The following DCP1B variants were observed in gnomAD, a reference collection of about 807,000 sequenced individuals.
DCP1B encodes mRNA-decapping enzyme 1B.
DCP1B carries 47 observed loss-of-function variants against 60.5 expected under a neutral mutation model. The observed-to-expected ratio is 0.78, with a 90% confidence interval of 0.61 to 0.99. DCP1B has a LOEUF of 0.99. Ranked by LOEUF, DCP1B falls within the 50% of genes least tolerant of loss-of-function variation. The pLI is 0.00. For missense variants in DCP1B, 725 were observed against 756.8 expected (o/e 0.96, Z 0.49); for synonymous variants, 267 against 280.3 (o/e 0.95, Z 0.47).
In DCP1B at chr12:1,946,121, T is replaced by A; in HGVS notation, c.*85A>T. The A allele has an allele frequency of 9.3e-7, 1 of 1,075,026 alleles. No individual in the cohort carries two copies. The highest frequency in any genetic ancestry group is 1.3e-6 in the Non-Finnish European group (1 of 764,720). The allele number at this position is 1,075,026 out of a possible 1,614,324, so 66.6% of individuals were successfully genotyped here. ...TTTTTTTTTAAAAAAGGCAGAAACATTGAAGGAAACAACACTCAACATGAA... is the reference window on the plus strand; with the variant it reads ...TTTTTTTTTAAAAAAGGCAGAAACAATGAAGGAAACAACACTCAACATGAA... On this transcript the variant is annotated 3_prime_UTR_variant, in exon 9 of 9. Coordinates refer to ENST00000280665, the MANE Select transcript of DCP1B (RefSeq NM_152640.5).
chr12:1,993,435 C>T (rs760175949), intron 2 of DCP1B, 44 bp from the exon 3 acceptor site: 2 of 1,592,180 alleles, frequency 1.3e-6, no homozygotes, highest in Admixed American at 3.5e-5. Flanking sequence ...AGACAAATTG[C>T]TTAGTATGCT....
chr12:1,948,671 C>T lies in DCP1B; in HGVS notation c.1773+415G>A, dbSNP rs1212531701. Among the ~76,000 whole-genome samples, 7 of 152,168 alleles carry T rather than the reference C, an allele frequency of 4.6e-5. No individual in the cohort carries two copies. Among genetic ancestry groups the T allele is most frequent in the Admixed American group, 6.5e-5 (1 of 15,282 alleles). On this transcript the variant is annotated intron_variant, in intron 8 of 8. Transcript: ENST00000280665. This position sits in a 1 kb window ranked among gnomAD's most constrained non-coding sequence, Gnocchi z 4.8. Reference sequence around the variant, plus strand: ...TTTGCTTCCCTCCCTGTTTTCCACTCGCTCAGTGGCCTCTTCCCCACTCAA... The same window carrying T: ...TTTGCTTCCCTCCCTGTTTTCCACTTGCTCAGTGGCCTCTTCCCCACTCAA...
At chr12:1,970,824 A>G (rs2031999959) in intron 3 of DCP1B, 2 of 278,940 alleles carry the variant, frequency 7.2e-6, no homozygotes, top group East Asian at 9.9e-5. Flanking sequence ...CGAAAATACA[A>G]GGTTGAAAAG....
At position 1,950,125 on chromosome 12, in the gene DCP1B, A is replaced by AT. The variant is rs138092404; in HGVS notation, c.1525-792_1525-791insA. The AT allele has an allele frequency of 3.1e-3, 1,704 of 548,564 alleles. 23 individuals are homozygous for AT. Among genetic ancestry groups the AT allele is most frequent in the African/African-American group, 0.028 (1,520 of 53,516 alleles). The allele number at this position is 548,564 out of a possible 1,614,324, so 34.0% of individuals were successfully genotyped here. On this transcript the variant is annotated intron_variant, in intron 7 of 8. Coordinates refer to ENST00000280665, the MANE Select transcript of DCP1B (RefSeq NM_152640.5). The stretch of plus-strand genomic sequence containing the variant: ...TATCAGCCTCCGAACTCCCCGAAAG[A>AT]ACTCCTAAGAGGGAGGCAAGGAGGC...
At chr12:1,970,297 A>G (rs866079593) in intron 3 of DCP1B, among the ~76,000 whole-genome samples, 2 of 152,304 alleles carry the variant, frequency 1.3e-5, no homozygotes, top group Middle Eastern at 3.4e-3. Flanking sequence ...CTTCTTTAGG[A>G]CCCAACCATT....
intron 3 of DCP1B, among the ~76,000 whole-genome samples, chr12:1,969,131 C>A (rs2031614345): frequency 6.6e-6 from 1 of 152,170 alleles, no homozygotes; most frequent in Non-Finnish European, 1.5e-5. Flanking sequence ...ACTTTAAATT[C>A]AAACTTTCTA....
chr12:1,995,568 C>T (rs2040598323), intron 2 of DCP1B, among the ~76,000 whole-genome samples: 2 of 152,366 alleles, frequency 1.3e-5, no homozygotes, highest in Non-Finnish European at 2.9e-5. Flanking sequence ...GGCCTTGCCT[C>T]CCATTCCTTC....
chr12:2,004,005 C>G (rs1453300008), intron 1 of DCP1B, among the ~76,000 whole-genome samples: 1 of 152,148 alleles, frequency 6.6e-6, no homozygotes, highest in African/African-American at 2.4e-5. Context: ...TTTCCTTCGG[C>G]TCTTATGGTG....
intron 1 of DCP1B, 124 bp from the exon 2 acceptor site, chr12:1,998,099 G>T: frequency 1.4e-6 from 1 of 725,544 alleles, no homozygotes; most frequent in Non-Finnish European, 2.2e-6. Context: ...CCCAACATGA[G>T]GAGTTATTCT....
chr12:1,984,703 C>A (rs1248006461), intron 3 of DCP1B, among the ~76,000 whole-genome samples: 52 of 148,428 alleles, frequency 3.5e-4, no homozygotes, highest in Non-Finnish European at 4.5e-5. Flanking sequence ...CCTGCAATTC[C>A]AGCTTTCCCT....
At chr12:2,003,817 C>A (rs2042731998) in intron 1 of DCP1B, among the ~76,000 whole-genome samples, 1 of 152,176 alleles carries the variant, frequency 6.6e-6, no homozygotes, top group Non-Finnish European at 1.5e-5. Context: ...TTCTCCCCTT[C>A]TATCAAGTTT....
At chr12:1,958,548 T>C (rs1230833607) in intron 5 of DCP1B, among the ~76,000 whole-genome samples, 2 of 147,850 alleles carry the variant, frequency 1.4e-5, no homozygotes, top group East Asian at 2.1e-4. Context: ...GCTTTTTCTA[T>C]AAACCTCCTG....
intron 3 of DCP1B, chr12:1,991,483 C>A: frequency 4.3e-6 from 1 of 233,288 alleles, no homozygotes; most frequent in Non-Finnish European, 8.7e-6. Context: ...TTTATTTTGC[C>A]CAATTTATCC....
rs2030516087 is a variant in DCP1B at position 1,948,283 on chromosome 12, C to T, written c.1773+803G>A. ...CCAACATTCATGTGGTGAACGTGGC[C>T]CACGGGAGAGTACGTGGGAAGTGGC... On this transcript the variant is annotated intron_variant, in intron 8 of 8. Transcript: ENST00000280665. The surrounding 1 kb of genome is among the most constrained non-coding windows in gnomAD (Gnocchi z 4.8). 6.6e-6 allele frequency among the ~76,000 whole-genome samples: 1 copy of T among 152,170 alleles called. No homozygotes were observed. The highest frequency in any genetic ancestry group is 1.5e-5 in the Non-Finnish European group (1 of 68,038).
intron 5 of DCP1B, among the ~76,000 whole-genome samples, chr12:1,959,588 GT>G (rs1453155900): frequency 1.3e-5 from 2 of 152,206 alleles, no homozygotes; most frequent in African/African-American, 4.8e-5. Context: ...CAAAACATAA[GT>G]GGTGGCAAGG....
chr12:2,002,043 C>G (rs1194542585), intron 1 of DCP1B, among the ~76,000 whole-genome samples: 1 of 152,200 alleles, frequency 6.6e-6, no homozygotes, highest in Non-Finnish European at 1.5e-5. Context: ...GGGAGTAGGT[C>G]TAACTCTAAA....
rs1187593333 is a variant in DCP1B at position 1,952,942 on chromosome 12, T to C, written c.998A>G (p.Gln333Arg). 2.5e-6 allele frequency: 4 copies of C among 1,614,050 alleles called. No individual in the cohort carries two copies. In the Admixed American group the frequency reaches 6.7e-5, roughly 27 times the overall value. Residue 333 changes from glutamine (Q) to arginine (R), a missense_variant, in exon 7 of 9, where the codon CAG becomes CGG. Transcript: ENST00000280665. The part of the protein sequence containing the change: ...SAGEFFTGPV[Q>R]PGSPHNIGTS... ...TCCAATGTTGTGAGGAGACCCTGGC[T>C]GGACAGGTCCTGTAAAAAATTCTCC...
intron 5 of DCP1B, among the ~76,000 whole-genome samples, chr12:1,957,454 C>A (rs1413694520): frequency 1.3e-5 from 2 of 152,094 alleles, no homozygotes; most frequent in African/African-American, 2.4e-5. Flanking sequence ...GGTGATTTTT[C>A]TTTTTATATT....
intron 1 of DCP1B, among the ~76,000 whole-genome samples, chr12:2,001,073 C>T (rs2042098558): frequency 6.6e-6 from 1 of 151,830 alleles, no homozygotes; most frequent in Admixed American, 6.6e-5. Context: ...TCAGCTTACA[C>T]TACTCAGATC....
Sources: gnomAD v4.1 joint callset for allele counts (sites outside exome capture counted in the v4.1 genomes callset) on GRCh38, gnomAD v4.1.1 for gene constraint, Gnocchi (gnomAD v3.1) non-coding constraint, MANE v1.5 for transcripts, NCBI Gene and HGNC (gene_info 2026-07-23, HGNC 2026-07-21) for gene names.